Variants in NCOR1 observed in about 807,000 individuals in gnomAD.
NCOR1 encodes the protein protein phosphatase 1, regulatory subunit 109.
A neutral mutation model predicts 288.1 loss-of-function variants in NCOR1; 63 were observed. The observed-to-expected ratio is 0.22, with a 90% CI of 0.18 to 0.27. The LOEUF is 0.27. NCOR1 is among the 10% of genes least tolerant of loss of function. The probability of loss-of-function intolerance (pLI) is 1.00; values close to 1 mark genes in which losing one functional copy is unlikely to be tolerated. For synonymous variants in NCOR1, 1,007 were observed against 1,065.9 expected (o/e 0.94, Z 1.08); for missense variants, 2,397 against 3,019.2 (o/e 0.79, Z 4.83).
chr17:16,166,999 G>T (rs552339175), intron 4 of NCOR1, among the ~76,000 whole-genome samples: 1 of 152,062 alleles, frequency 6.6e-6, no homozygotes, highest in African/African-American at 2.4e-5. Context: ...AACGCATAAA[G>T]AAAGATCTTT....
intron 40 of NCOR1, 60 bp from the exon 41 acceptor site, chr17:16,049,048 A>G: frequency 6.8e-7 from 1 of 1,463,698 alleles, no homozygotes; most frequent in Non-Finnish European, 9.2e-7. Flanking sequence ...ACTTACCTAA[A>G]CAGAAACTTG....
Position 16,029,368 on chromosome 17 carries a change from T to C in NCOR1, c.*2928A>G. 5.6e-6 allele frequency: 2 copies of C among 358,946 alleles called. No homozygotes were observed. The highest frequency in any genetic ancestry group is 1.1e-5 in the Non-Finnish European group (2 of 182,370). 22.2% of individuals were successfully genotyped at this position (358,946 alleles called of 1,614,324 possible). ...TGATTGGTCTAAATTCAAAAGTGAA[T>C]TGGTTAAAATCGTGTCATTAAAATT... On this transcript the variant is annotated 3_prime_UTR_variant, in exon 46 of 46. Transcript: ENST00000268712.
intron 15 of NCOR1, among the ~76,000 whole-genome samples, chr17:16,124,990 GTTCA>G (rs1352032573): frequency 1.1e-4 from 16 of 152,222 alleles, no homozygotes; most frequent in East Asian, 5.8e-4. Context: ...TTGCAAATAA[GTTCA>G]TTAAGTCAAA....
chr17:16,164,376 C>T (rs2081564539), intron 5 of NCOR1, among the ~76,000 whole-genome samples: 4 of 151,954 alleles, frequency 2.6e-5, no homozygotes, highest in African/African-American at 9.7e-5. Context: ...TCAGGAAATC[C>T]TAAAAATTTC....
rs979869427 is a variant in NCOR1, at chr17:16,031,967, T to G, written c.*329A>C. On this transcript the variant is annotated 3_prime_UTR_variant, in exon 46 of 46. Coordinates refer to ENST00000268712, the MANE Select transcript of NCOR1 (RefSeq NM_006311.4). ...TATACACTGCAAAAAGGTCATCTATTTACAGAAGAGTGATTTAAAGACATT... is the reference window on the plus strand; with the variant it reads ...TATACACTGCAAAAAGGTCATCTATGTACAGAAGAGTGATTTAAAGACATT... 3.1e-6 allele frequency: 1 copy of G among 319,424 alleles called. No homozygotes were observed. The highest frequency in any genetic ancestry group is 5.7e-6 in the Non-Finnish European group (1 of 174,820). The allele number at this position is 319,424 out of a possible 1,614,324, so 19.8% of individuals were successfully genotyped here.
Position 16,121,166 on chromosome 17 carries a change from G to T in NCOR1, c.1738C>A (p.Arg580Ser). The change falls in exon 16 of 46, where the codon CGC becomes AGC. Residue 580 changes from arginine to serine, a missense_variant. Physicochemically the swap from Arg to Ser is moderately radical, Grantham distance 110 (BLOSUM62 -1). Around this residue, in one of 11 missense-constraint regions of NCOR1, gnomAD observed 113 missense variants for 139.5 expected, o/e 0.81. Coordinates refer to ENST00000268712, the MANE Select transcript of NCOR1 (RefSeq NM_006311.4). The stretch of plus-strand genomic sequence containing the variant: ...GACCTGGTGATCCGGCCCTTACGGC[G>T]GCCCTGACTGTTGGCAGTCTTTCGC... ...RGRKTANSQG[R>S]RKGRITRSMT... The T allele has an allele frequency of 6.2e-7, 1 of 1,614,048 alleles. No homozygotes were observed. The highest frequency in any genetic ancestry group is 8.5e-7 in the Non-Finnish European group (1 of 1,180,028).
chr17:16,092,034 G>T lies in NCOR1; in HGVS notation c.2845C>A (p.Pro949Thr), dbSNP rs769733002. Residue 949 changes from proline to threonine, a missense_variant, in exon 22 of 46, where the codon CCA becomes ACA. Physicochemically the swap from Pro to Thr is conservative, Grantham distance 38. Transcript: ENST00000268712. Reference protein sequence around the residue: ...PMVSCTPCNIPIGTPVSGYAL... With the variant: ...PMVSCTPCNITIGTPVSGYAL... ...TAGCCGCTCACTGGGGTTCCAATTGGTATGTTACATGGGGTGCAGGATACC... is the reference window on the plus strand; with the variant it reads ...TAGCCGCTCACTGGGGTTCCAATTGTTATGTTACATGGGGTGCAGGATACC... The T allele has an allele frequency of 1.2e-6, 2 of 1,614,060 alleles. No homozygotes were observed. Among genetic ancestry groups the T allele is most frequent in the Non-Finnish European group, 1.7e-6 (2 of 1,180,034 alleles).
At position 16,031,569 on chromosome 17, in the gene NCOR1, C is replaced by T. The variant is rs953934515; in HGVS notation, c.*727G>A. The T allele has an allele frequency of 1.4e-5, 3 of 219,874 alleles. No individual in the cohort carries two copies. The highest frequency in any genetic ancestry group is 2.7e-5 in the Non-Finnish European group (3 of 109,934). 13.6% of individuals were successfully genotyped at this position (219,874 alleles called of 1,614,324 possible). A position where few individuals can be genotyped will look rare whatever the true frequency, so the allele number is the denominator to read the frequency against. On this transcript the variant is annotated 3_prime_UTR_variant, in exon 46 of 46. Transcript: ENST00000268712. ...ACTTTATAAACTGAACTAGAACATA[C>T]CCATGCAGTAATATTTTTTCAGTGC...
intron 5 of NCOR1, among the ~76,000 whole-genome samples, chr17:16,160,924 C>T (rs947492173): frequency 3.3e-5 from 5 of 151,558 alleles, no homozygotes; most frequent in South Asian, 2.1e-4. Context: ...CTGCCCAATT[C>T]GAAAAAAATT....
At chr17:16,154,134 C>A (rs2153396712) in intron 6 of NCOR1, among the ~76,000 whole-genome samples, 1 of 151,258 alleles carries the variant, frequency 6.6e-6, no homozygotes, top group Non-Finnish European at 1.5e-5. Context: ...TCAAATAATG[C>A]CCCCATCTCA....
intron 26 of NCOR1, among the ~76,000 whole-genome samples, chr17:16,077,929 G>A (rs578222693): frequency 6.6e-6 from 1 of 152,128 alleles, no homozygotes; most frequent in Non-Finnish European, 1.5e-5. Context: ...ATTGTGATAT[G>A]AGGGAAAAAT....
intron 4 of NCOR1, among the ~76,000 whole-genome samples, chr17:16,168,124 T>C (rs2082380715): frequency 6.6e-6 from 1 of 152,174 alleles, no homozygotes; most frequent in Non-Finnish European, 1.5e-5. Flanking sequence ...AAAACAATCA[T>C]TCATCAAATT....
chr17:16,048,125 G>C (rs547415356), intron 41 of NCOR1, among the ~76,000 whole-genome samples: 2 of 152,336 alleles, frequency 1.3e-5, no homozygotes, highest in East Asian at 3.9e-4. Flanking sequence ...GTATCAGTAC[G>C]ACCATGAGCA....
chr17:16,202,097 G>A (rs1568658047), intron 1 of NCOR1, among the ~76,000 whole-genome samples: 4 of 152,066 alleles, frequency 2.6e-5, no homozygotes, highest in South Asian at 4.2e-4. Flanking sequence ...AGTGGCGCAC[G>A]CCTGTAATCC....
At chr17:16,194,220 TTTATCATCAAC>T (rs1371864333) in intron 2 of NCOR1, among the ~76,000 whole-genome samples, 1 of 152,150 alleles carries the variant, frequency 6.6e-6, no homozygotes, top group Non-Finnish European at 1.5e-5. Context: ...AAGTTTTCTA[TTTATCATCAAC>T]TCCTATCATG....
At chr17:16,195,678 C>T (rs146505127) in intron 1 of NCOR1, among the ~76,000 whole-genome samples, 2 of 152,278 alleles carry the variant, frequency 1.3e-5, no homozygotes, top group African/African-American at 4.8e-5. Flanking sequence ...CTACTTTCAC[C>T]GCCTTCCCAG....
chr17:16,194,435 G>A, intron 2 of NCOR1, 27 bp downstream of exon 2: 1 of 1,433,426 alleles, frequency 7.0e-7, no homozygotes, highest in Non-Finnish European at 9.7e-7. Context: ...AAAAACATGT[G>A]CAATTTGCAT....
intron 4 of NCOR1, among the ~76,000 whole-genome samples, chr17:16,166,958 G>A (rs2082132665): frequency 6.6e-6 from 1 of 152,086 alleles, no homozygotes; most frequent in Non-Finnish European, 1.5e-5. Context: ...TTCATTATGA[G>A]ACAGCGTACT....
chr17:16,099,830 A>C (rs2067274921), intron 20 of NCOR1, among the ~76,000 whole-genome samples: 1 of 152,168 alleles, frequency 6.6e-6, no homozygotes, highest in South Asian at 2.1e-4. Flanking sequence ...ACTTAAGCAG[A>C]ACACCTATTT....
Sources: gnomAD v4.1 joint callset for allele counts (sites outside exome capture counted in the v4.1 genomes callset) on GRCh38, gnomAD v4.1.1 for gene constraint, gnomAD v4.1.1 regional missense constraint, MANE v1.5 for transcripts, NCBI Gene and HGNC (gene_info 2026-07-23, HGNC 2026-07-21) for gene names.